The following CPEB3 variants were observed in gnomAD, a reference collection of about 807,000 sequenced individuals.
The protein encoded by CPEB3 is cytoplasmic polyadenylation element binding protein 3, also known as cytoplasmic polyadenylation element-binding protein 3.
CPEB3 carries 20 observed loss-of-function variants against 67.2 expected under a neutral mutation model. That is an observed-to-expected ratio of 0.30 (90% CI 0.21 to 0.43). The LOEUF (loss-of-function observed/expected upper bound fraction) is 0.43, where lower values mean the gene tolerates loss of function less well. CPEB3 is among the 20% of genes least tolerant of loss of function. CPEB3 has a pLI of 1.00. For synonymous variants in CPEB3, 376 were observed against 393.1 expected, an observed-to-expected ratio of 0.96 and a Z score of 0.51; for missense variants, 746 against 968.6, an observed-to-expected ratio of 0.77 and a Z score of 3.05.
chr10:92,137,429 A>G (rs756441725), intron 6 of CPEB3: 92 of 1,173,110 alleles, frequency 7.8e-5, no homozygotes, highest in Middle Eastern at 7.6e-4. Flanking sequence ...CATGGATTCA[A>G]GGACTCAATC....
intron 9 of CPEB3, among the ~76,000 whole-genome samples, chr10:92,070,498 C>T (rs536894923): frequency 1.3e-5 from 2 of 152,120 alleles, no homozygotes; most frequent in South Asian, 2.1e-4. Flanking sequence ...CAGATATGGC[C>T]GGACACAGTG....
intron 6 of CPEB3, among the ~76,000 whole-genome samples, chr10:92,119,543 G>T (rs1325170687): frequency 6.6e-6 from 1 of 152,178 alleles, no homozygotes; most frequent in African/African-American, 2.4e-5. Flanking sequence ...GGGACTGGGG[G>T]TGAGGGTTTG....
chr10:92,247,227 G>T (rs911867426), intron 1 of CPEB3, among the ~76,000 whole-genome samples: 1 of 151,756 alleles, frequency 6.6e-6, no homozygotes, highest in Non-Finnish European at 1.5e-5. Context: ...TTTTTTTATT[G>T]TTTTTTCTGA....
At chr10:92,148,222 C>G (rs1846784727) in intron 4 of CPEB3, among the ~76,000 whole-genome samples, 1 of 152,188 alleles carries the variant, frequency 6.6e-6, no homozygotes, top group African/African-American at 2.4e-5. Flanking sequence ...CACACCCCTT[C>G]TACGTCACAG....
intron 7 of CPEB3, among the ~76,000 whole-genome samples, chr10:92,094,006 C>A (rs1843737286): frequency 1.3e-5 from 2 of 152,052 alleles, no homozygotes; most frequent in South Asian, 4.2e-4. Flanking sequence ...CGGCACCTGC[C>A]ACCACACCTG....
chr10:92,098,775 T>C (rs575017054), intron 7 of CPEB3, among the ~76,000 whole-genome samples: 18 of 144,986 alleles, frequency 1.2e-4, no homozygotes, highest in Middle Eastern at 3.4e-3. Context: ...TTTTTCTTTT[T>C]TTTTTTTTTT....
intron 2 of CPEB3, among the ~76,000 whole-genome samples, chr10:92,229,242 CA>C (rs1330669630): frequency 1.3e-5 from 2 of 151,968 alleles, no homozygotes; most frequent in Non-Finnish European, 2.9e-5. Flanking sequence ...CTATGTTGCC[CA>C]AGCTGGTTTC....
At chr10:92,060,447 A>G (rs2096227) in intron 9 of CPEB3, among the ~76,000 whole-genome samples, 59,047 of 152,018 alleles carry the variant, frequency 0.39, 12,205 homozygotes, top group African/African-American at 0.53. Flanking sequence ...TCTTTAGGAC[A>G]TTGGTCTTGG....
chr10:92,194,416 C>T lies in CPEB3; in HGVS notation c.1006-1780G>A, dbSNP rs576097427. Among the ~76,000 whole-genome samples, 9 of 151,154 alleles carry T rather than the reference C, an allele frequency of 6.0e-5. No homozygotes were observed. In the South Asian group the frequency reaches 1.3e-3, roughly 21 times the overall value. ...ATCACGCCACTGCACTCCAGCCTGG[C>T]GACATAGCAAGACTCCATCTCAAAA... On this transcript the variant is annotated intron_variant, in intron 2 of 9. Coordinates refer to ENST00000265997, the MANE Select transcript of CPEB3 (RefSeq NM_014912.5).
At chr10:92,158,881 C>A (rs1166511709) in intron 4 of CPEB3, among the ~76,000 whole-genome samples, 3 of 152,120 alleles carry the variant, frequency 2.0e-5, no homozygotes, top group African/African-American at 4.8e-5. Context: ...TCCTGTCAAG[C>A]GGAATGATTT....
chr10:92,289,273 C>T (rs879323873), intron 1 of CPEB3, among the ~76,000 whole-genome samples: 3 of 151,848 alleles, frequency 2.0e-5, no homozygotes, highest in Non-Finnish European at 2.9e-5. Flanking sequence ...CGCGGTGGCT[C>T]GCCCCTGTAA....
intron 8 of CPEB3, among the ~76,000 whole-genome samples, chr10:92,081,732 G>T (rs1397555743): frequency 2.0e-5 from 3 of 152,124 alleles, no homozygotes; most frequent in South Asian, 2.1e-4. Flanking sequence ...ATACACACAA[G>T]AATTTATATA....
intron 2 of CPEB3, among the ~76,000 whole-genome samples, chr10:92,219,060 C>T (rs1387162792): frequency 2.0e-5 from 3 of 152,068 alleles, no homozygotes; most frequent in South Asian, 2.1e-4. Context: ...TTAGAACAAA[C>T]GAAGTGTCTT....
At chr10:92,090,328 G>A (rs1049709021) in intron 8 of CPEB3, among the ~76,000 whole-genome samples, 10 of 152,148 alleles carry the variant, frequency 6.6e-5, no homozygotes, top group Non-Finnish European at 1.3e-4. Context: ...GATCACCTGA[G>A]GTCAGGAGTT....
chr10:92,275,198 T>C (rs1482854465), intron 1 of CPEB3, among the ~76,000 whole-genome samples: 1 of 152,208 alleles, frequency 6.6e-6, no homozygotes, highest in Non-Finnish European at 1.5e-5. Context: ...TAACTCTTTG[T>C]TGTGAGTGGC....
intron 4 of CPEB3, among the ~76,000 whole-genome samples, chr10:92,171,580 T>C (rs1005042010): frequency 6.6e-6 from 1 of 152,168 alleles, no homozygotes; most frequent in South Asian, 2.1e-4. Context: ...GGGGGTAGAA[T>C]AGGGAAGAAA....
At chr10:92,139,674 T>C (rs1590222777) in intron 6 of CPEB3, among the ~76,000 whole-genome samples, 1 of 152,194 alleles carries the variant, frequency 6.6e-6, no homozygotes, top group Non-Finnish European at 1.5e-5. Flanking sequence ...TATTTTTAAA[T>C]AACTAAAGTA....
chr10:92,169,174 T>C (rs1253162710), intron 4 of CPEB3, among the ~76,000 whole-genome samples: 16 of 151,052 alleles, frequency 1.1e-4, no homozygotes, highest in Admixed American at 1.1e-3. Context: ...GTTTTGCTCT[T>C]ATTGCACAGG....
intron 1 of CPEB3, among the ~76,000 whole-genome samples, chr10:92,263,948 TTA>T (rs766429288): frequency 4.6e-5 from 7 of 152,304 alleles, no homozygotes; most frequent in East Asian, 1.9e-4. Flanking sequence ...GATAAGAATT[TTA>T]TATGTCTTAT....
Sources: gnomAD v4.1 joint callset for allele counts (sites outside exome capture counted in the v4.1 genomes callset) on GRCh38, gnomAD v4.1.1 for gene constraint, MANE v1.5 for transcripts, NCBI Gene and HGNC (gene_info 2026-07-23, HGNC 2026-07-21) for gene names.